The following KLF12 variants were observed in gnomAD, a reference collection of about 807,000 sequenced individuals.
The protein encoded by KLF12 is Krueppel-like factor 12.
In KLF12, 9 loss-of-function variants were observed where a neutral mutation model predicts 37.8. The ratio of observed to expected loss-of-function variants is 0.24; its 90% CI spans 0.14 to 0.42. KLF12 has a LOEUF of 0.42. KLF12 is among the 10% of genes least tolerant of loss of function. The pLI, the probability that KLF12 is intolerant of heterozygous loss-of-function variation, is 1.00. For missense variants in KLF12, 411 were observed against 516.0 expected (o/e 0.80, Z 1.97); for synonymous variants, 208 against 202.1 (o/e 1.03, Z -0.25).
At chr13:74,137,818 C>T (rs6562802), upstream of KLF12, among the ~76,000 whole-genome samples, 35,951 of 151,990 alleles carry the variant, frequency 0.24, 6,022 homozygotes, top group African/African-American at 0.48. Flanking sequence ...TGGAGTGCAA[C>T]GGCGCGATTT....
chr13:73,856,045 G>A (rs1044885202), intron 3 of KLF12, among the ~76,000 whole-genome samples: 1 of 152,122 alleles, frequency 6.6e-6, no homozygotes, highest in African/African-American at 2.4e-5. Flanking sequence ...GGCACACACA[G>A]GTATATGTAA....
At chr13:74,076,363 G>A (rs927106634) in intron 1 of KLF12, among the ~76,000 whole-genome samples, 3 of 152,126 alleles carry the variant, frequency 2.0e-5, no homozygotes, top group Non-Finnish European at 2.9e-5. Context: ...TCTGGAGGCT[G>A]GAAAGTCCAA....
rs1417455535 is a variant in KLF12 at position 73,690,105 on chromosome 13, GTGTA to G, written c.*5381_*5384del. On this transcript the variant is annotated 3_prime_UTR_variant, in exon 8 of 8. Transcript: ENST00000377669. ...CATGTGAACAGATTTGATTTACTAT[GTGTA>G]TGTATTTACTCTCTCTGTGTGTATG... 6.6e-6 allele frequency: 1 copy of G among 152,462 alleles called. No homozygotes were observed. The highest frequency in any genetic ancestry group is 1.5e-5 in the Non-Finnish European group (1 of 67,958). 9.4% of individuals were successfully genotyped at this position (152,462 alleles called of 1,614,324 possible).
chr13:74,130,122 T>C (rs1878179586), intron 1 of KLF12, among the ~76,000 whole-genome samples: 1 of 152,202 alleles, frequency 6.6e-6, no homozygotes, highest in Admixed American at 6.5e-5. Flanking sequence ...GTGGTTGTGG[T>C]AGATGAGTTA....
At chr13:73,865,171 G>T (rs1886110403) in intron 3 of KLF12, among the ~76,000 whole-genome samples, 1 of 152,004 alleles carries the variant, frequency 6.6e-6, no homozygotes, top group South Asian at 2.1e-4. Context: ...AACATGAGTA[G>T]CTCTATAATC....
At chr13:73,723,396 C>T (rs528342762) in intron 6 of KLF12, among the ~76,000 whole-genome samples, 1 of 152,046 alleles carries the variant, frequency 6.6e-6, no homozygotes, top group South Asian at 2.1e-4. Context: ...ACATAACATA[C>T]TTAAATATTT....
At chr13:74,164,704 T>C in the KLF12 span, among the ~76,000 whole-genome samples, 1 of 152,222 alleles carries the variant, frequency 6.6e-6, no homozygotes, top group Non-Finnish European at 1.5e-5. Context: ...CTTATACCTG[T>C]AATATGCCTG....
intron 3 of KLF12, among the ~76,000 whole-genome samples, chr13:73,868,332 G>GGC (rs1290277448): frequency 1.5e-5 from 2 of 135,116 alleles, no homozygotes; most frequent in Non-Finnish European, 3.2e-5. Flanking sequence ...GGCGGTGGGG[G>GGC]GGGGGGGTGA....
chr13:74,052,353 A>G (rs1343261575), intron 1 of KLF12, among the ~76,000 whole-genome samples: 4 of 152,292 alleles, frequency 2.6e-5, no homozygotes, highest in Non-Finnish European at 4.4e-5. Context: ...GCTACTCATT[A>G]GATAATTCTG....
At chr13:73,737,897 A>T (rs1333444843) in intron 6 of KLF12, among the ~76,000 whole-genome samples, 1 of 151,882 alleles carries the variant, frequency 6.6e-6, no homozygotes, top group African/African-American at 2.4e-5. Flanking sequence ...GCACTTTGGC[A>T]CTAATACGTG....
the KLF12 span, among the ~76,000 whole-genome samples, chr13:74,249,438 G>A: frequency 5.6e-4 from 85 of 151,286 alleles, no homozygotes; most frequent in African/African-American, 1.7e-3. Context: ...GCTGGGCCCC[G>A]GTGCCTTGGG....
chr13:73,924,982 G>T (rs904302642), intron 3 of KLF12, among the ~76,000 whole-genome samples: 6 of 152,194 alleles, frequency 3.9e-5, no homozygotes, highest in African/African-American at 1.4e-4. Context: ...ATGAGGCTGA[G>T]AGAGATGATA....
the KLF12 span, among the ~76,000 whole-genome samples, chr13:74,263,992 T>C: frequency 4.6e-5 from 7 of 152,162 alleles, no homozygotes; most frequent in Non-Finnish European, 7.3e-5. Context: ...GCAGATTATA[T>C]ACCAGATCTC....
At chr13:73,729,510 G>T (rs563398307) in intron 6 of KLF12, among the ~76,000 whole-genome samples, 25 of 152,302 alleles carry the variant, frequency 1.6e-4, no homozygotes, top group Admixed American at 1.2e-3. Flanking sequence ...GGTGAGGAAA[G>T]CATAGCCTGG....
At chr13:74,189,318 C>G in the KLF12 span, among the ~76,000 whole-genome samples, 1 of 152,104 alleles carries the variant, frequency 6.6e-6, no homozygotes, top group Non-Finnish European at 1.5e-5. Flanking sequence ...GACAACAGAA[C>G]AAGAAAAACA....
chr13:73,777,363 A>C (rs1880673534), intron 5 of KLF12, among the ~76,000 whole-genome samples: 1 of 152,204 alleles, frequency 6.6e-6, no homozygotes, highest in Non-Finnish European at 1.5e-5. Context: ...TTCTCTCTTG[A>C]AAGTGGAAGA....
At chr13:74,117,697 C>A (rs1408407967) in intron 1 of KLF12, among the ~76,000 whole-genome samples, 2 of 152,076 alleles carry the variant, frequency 1.3e-5, no homozygotes, top group Non-Finnish European at 2.9e-5. Context: ...TACAATGATA[C>A]CCCGATGTGA....
At chr13:74,230,052 A>T in the KLF12 span, among the ~76,000 whole-genome samples, 1 of 152,176 alleles carries the variant, frequency 6.6e-6, no homozygotes, top group Non-Finnish European at 1.5e-5. Flanking sequence ...ATAACACATG[A>T]TATGATTTGG....
At chr13:73,711,762 T>C (rs1200806404) in intron 7 of KLF12, among the ~76,000 whole-genome samples, 1 of 152,220 alleles carries the variant, frequency 6.6e-6, no homozygotes, top group Non-Finnish European at 1.5e-5. Flanking sequence ...AGGAGTCATT[T>C]TGACTTTTAA....
Sources: allele counts gnomAD v4.1 joint callset (sites outside exome capture counted in the v4.1 genomes callset), GRCh38; gene constraint gnomAD v4.1.1; transcripts MANE v1.5; gene names NCBI Gene and HGNC (gene_info 2026-07-23, HGNC 2026-07-21).